Variants in CMKLR2 observed in about 807,000 individuals in gnomAD.
CMKLR2 encodes the protein chemerin-like receptor 2.
Under a neutral mutation model 23.0 loss-of-function variants are expected in CMKLR2, and 18 were observed. The ratio of observed to expected loss-of-function variants is 0.78; its 90% CI spans 0.54 to 1.16. CMKLR2 has a LOEUF of 1.16. CMKLR2 is among the 50% of genes most tolerant of loss of function. The pLI is 0.00. For synonymous variants in CMKLR2, 158 were observed against 158.9 expected (o/e 0.99, Z 0.05); for missense variants, 401 against 412.7 (o/e 0.97, Z 0.25).
intron 1 of CMKLR2, among the ~76,000 whole-genome samples, chr2:206,198,399 G>A (rs538101431): frequency 1.2e-3 from 188 of 152,282 alleles, no homozygotes; most frequent in Non-Finnish European, 1.8e-3. Flanking sequence ...GGTGTCTCAT[G>A]TGGAAAATAC....
intron 1 of CMKLR2, among the ~76,000 whole-genome samples, chr2:206,210,822 A>G (rs1011501344): frequency 1.3e-5 from 2 of 152,190 alleles, no homozygotes; most frequent in Admixed American, 1.3e-4. Flanking sequence ...ACTCTCACTT[A>G]TACAATTAAG....
At chr2:206,214,358 G>T (rs13401516), upstream of CMKLR2, among the ~76,000 whole-genome samples, 47,250 of 151,190 alleles carry the variant, frequency 0.31, 7,551 homozygotes, top group African/African-American at 0.36. Context: ...ATTTTTATTA[G>T]AGACGGGGTT....
intron 1 of CMKLR2, among the ~76,000 whole-genome samples, chr2:206,183,863 T>G (rs1688491614): frequency 6.6e-6 from 1 of 152,218 alleles, no homozygotes; most frequent in Non-Finnish European, 1.5e-5. Context: ...TTTCAGGTAC[T>G]TCCAGATCTA....
At chr2:206,201,054 G>A (rs1689079461) in intron 1 of CMKLR2, among the ~76,000 whole-genome samples, 1 of 151,846 alleles carries the variant, frequency 6.6e-6, no homozygotes, top group South Asian at 2.1e-4. Context: ...TGGACTCAAG[G>A]GATCTTCCCA....
At chr2:206,215,851 T>G (rs1689736558), upstream of CMKLR2, among the ~76,000 whole-genome samples, 1 of 152,198 alleles carries the variant, frequency 6.6e-6, no homozygotes, top group South Asian at 2.1e-4. Flanking sequence ...GTTAAGCTGG[T>G]GGGTCAGTTA....
rs567076138 is a variant in CMKLR2 at position 206,179,713 on chromosome 2, T to C, written c.-28-2438A>G. On this transcript the variant is annotated intron_variant, in intron 1 of 1. Transcript: ENST00000621141. ...TTTTTCAATCAGCACAAAAGTATACTGTGTGTAACTCTGTCTTCTTCCATT... is the reference window on the plus strand; with the variant it reads ...TTTTTCAATCAGCACAAAAGTATACCGTGTGTAACTCTGTCTTCTTCCATT... 3.3e-5 allele frequency among the ~76,000 whole-genome samples: 5 copies of C among 152,282 alleles called. No individual in the cohort carries two copies. In the East Asian group the frequency reaches 7.7e-4, roughly 24 times the overall value.
At chr2:206,203,039 G>C (rs1336842720) in intron 1 of CMKLR2, among the ~76,000 whole-genome samples, 1 of 151,800 alleles carries the variant, frequency 6.6e-6, no homozygotes, top group Non-Finnish European at 1.5e-5. Flanking sequence ...AGCCCAGGCC[G>C]GGCACGGTGG....
At chr2:206,197,869 C>T (rs938432262) in intron 1 of CMKLR2, among the ~76,000 whole-genome samples, 4 of 152,112 alleles carry the variant, frequency 2.6e-5, no homozygotes, top group African/African-American at 9.7e-5. Flanking sequence ...TCAAAACTGC[C>T]ATCACTTTTT....
Position 206,177,100 on chromosome 2 carries a change from C to T in CMKLR2, c.148G>A (p.Val50Ile), listed in dbSNP as rs149251931. 3 of 1,614,210 alleles carry T rather than the reference C, an allele frequency of 1.9e-6. No homozygotes were observed. Among genetic ancestry groups the T allele is most frequent in the Admixed American group, 1.7e-5 (1 of 60,020 alleles). The change falls in exon 2 of 2, where the codon GTT becomes ATT. Residue 50 changes from valine to isoleucine, a missense_variant. Val to Ile is a conservative substitution (Grantham distance 29). Coordinates refer to ENST00000621141, the MANE Select transcript of CMKLR2 (RefSeq NM_001389445.1). ...VSLVLYCLAF[V>I]LGIPGNAIVI... ...ATGGCATTTCCTGGAATTCCCAGAA[C>T]AAAAGCCAAACAATATAACACCAGG...
chr2:206,177,073 C>G lies in CMKLR2; in HGVS notation c.175G>C (p.Val59Leu), dbSNP rs781277858. 5 of 1,614,070 alleles carry G rather than the reference C, an allele frequency of 3.1e-6. No homozygotes were observed. In the African/African-American group the frequency reaches 5.3e-5, roughly 17 times the overall value. ...FVLGIPGNAI[V>L]IWFTGFKWKK... is the part of the protein sequence containing the mutation. ...CACTTGAACCCCGTGAACCAAATGACGATGGCATTTCCTGGAATTCCCAGA... is the reference window on the plus strand; with the variant it reads ...CACTTGAACCCCGTGAACCAAATGAGGATGGCATTTCCTGGAATTCCCAGA... Residue 59 changes from valine (V) to leucine (L), a missense_variant, in exon 2 of 2, where the codon GTC becomes CTC. Coordinates refer to ENST00000621141, the MANE Select transcript of CMKLR2 (RefSeq NM_001389445.1).
chr2:206,201,228 C>G (rs905078761), intron 1 of CMKLR2, among the ~76,000 whole-genome samples: 2 of 152,116 alleles, frequency 1.3e-5, no homozygotes, highest in African/African-American at 4.8e-5. Flanking sequence ...TGTGAGCCAC[C>G]CTGCCTGGTC....
intron 1 of CMKLR2, among the ~76,000 whole-genome samples, chr2:206,210,542 T>C (rs1689521293): frequency 6.6e-6 from 1 of 151,630 alleles, no homozygotes; most frequent in South Asian, 2.1e-4. Flanking sequence ...TACTGCAACC[T>C]CCGCCTTCCA....
chr2:206,176,147 A>G lies in CMKLR2; in HGVS notation c.*33T>C. The G allele has an allele frequency of 6.8e-7, 1 of 1,464,260 alleles. No individual in the cohort carries two copies. The highest frequency in any genetic ancestry group is 9.3e-7 in the Non-Finnish European group (1 of 1,078,186). 90.7% of individuals were successfully genotyped at this position (1,464,260 alleles called of 1,614,324 possible). On this transcript the variant is annotated 3_prime_UTR_variant, in exon 2 of 2. Coordinates refer to ENST00000621141, the MANE Select transcript of CMKLR2 (RefSeq NM_001389445.1). ...GCATCAGTCAGAGGACCCACATAAA[A>G]AGCCATATACTGATTTGTGGAAAAG...
At chr2:206,205,730 G>A (rs563988857) in intron 1 of CMKLR2, among the ~76,000 whole-genome samples, 5 of 151,540 alleles carry the variant, frequency 3.3e-5, no homozygotes, top group East Asian at 3.9e-4. Flanking sequence ...ATGGAGTTTC[G>A]CTCTTGTTGC....
Position 206,176,902 on chromosome 2 carries a change from T to G in CMKLR2, c.346A>C (p.Thr116Pro). 5.6e-6 allele frequency: 9 copies of G among 1,614,134 alleles called. No homozygotes were observed. Among genetic ancestry groups the G allele is most frequent in the Non-Finnish European group, 7.6e-6 (9 of 1,180,032 alleles). ...CTGGCAAACATGTTCAACTGGGCAG[T>G]GAAGGAATTGGCTTTGCACAGCCAG... ...GIWLCKANSF[T>P]AQLNMFASVF... Residue 116 changes from threonine (T) to proline (P), a missense_variant, in exon 2 of 2, where the codon ACT (threonine) becomes CCT (proline). Physicochemically the swap from Thr to Pro is conservative, Grantham distance 38. Coordinates refer to ENST00000621141, the MANE Select transcript of CMKLR2 (RefSeq NM_001389445.1).
intron 1 of CMKLR2, among the ~76,000 whole-genome samples, chr2:206,195,980 CA>C (rs1049648349): frequency 3.3e-5 from 5 of 151,860 alleles, no homozygotes; most frequent in African/African-American, 1.2e-4. Context: ...AACAAAACCC[CA>C]AAAACTATTC....
rs926429145 is a variant in CMKLR2 at position 206,196,352 on chromosome 2, C to T, written c.-29+16955G>A. Among the ~76,000 whole-genome samples, 9 of 151,126 alleles carry T rather than the reference C, an allele frequency of 6.0e-5. 1 individual carries two copies. In the East Asian group the frequency reaches 1.2e-3, roughly 20 times the overall value. On this transcript the variant is annotated intron_variant, in intron 1 of 1. Transcript: ENST00000621141. ...TCATACCACTGCATTCCAGCCTAGGCGACAGTGAGACTCTGTCTCAAAAAA... is the reference window on the plus strand; with the variant it reads ...TCATACCACTGCATTCCAGCCTAGGTGACAGTGAGACTCTGTCTCAAAAAA...
chr2:206,191,446 T>C (rs1236136358), intron 1 of CMKLR2, among the ~76,000 whole-genome samples: 1 of 152,052 alleles, frequency 6.6e-6, no homozygotes, highest in Non-Finnish European at 1.5e-5. Context: ...GGTGAGAAGA[T>C]TTTAAGTAGA....
intron 1 of CMKLR2, among the ~76,000 whole-genome samples, chr2:206,208,076 T>C (rs1689405887): frequency 6.6e-6 from 1 of 152,042 alleles, no homozygotes; most frequent in African/African-American, 2.4e-5. Context: ...ACACAGTCTC[T>C]CTGAGTAATA....
Sources: allele counts gnomAD v4.1 joint callset (sites outside exome capture counted in the v4.1 genomes callset), GRCh38; gene constraint gnomAD v4.1.1; transcripts MANE v1.5; gene names NCBI Gene and HGNC (gene_info 2026-07-23, HGNC 2026-07-21).